Variants in NR5A2 observed in about 807,000 individuals in gnomAD.
NR5A2 encodes the protein nuclear receptor subfamily 5 group A member 2.
NR5A2 carries 26 observed loss-of-function variants against 62.7 expected under a neutral mutation model. The observed-to-expected ratio is 0.41, with a 90% CI of 0.30 to 0.58. The LOEUF is 0.58. NR5A2 is among the 20% of genes least tolerant of loss of function. NR5A2 has a pLI of 0.22. For synonymous variants in NR5A2, 246 were observed against 241.7 expected (o/e 1.02, Z -0.16); for missense variants, 541 against 669.1 (o/e 0.81, Z 2.11).
intron 7 of NR5A2, among the ~76,000 whole-genome samples, chr1:200,164,452 A>T (rs1005944590): frequency 5.9e-5 from 9 of 152,330 alleles, no homozygotes; most frequent in Non-Finnish European, 1.0e-4. Flanking sequence ...TATGTTTAAA[A>T]ACTGACATAT....
In NR5A2 at chr1:200,048,781, A is replaced by T. The variant is rs913607008; in HGVS notation, c.1073A>T (p.Glu358Val). ...GATCAAACTCTCTTCTCCATTGTCG[A>T]GTGGGCCAGGAGTAGTATCTTCTTC... ...MADQTLFSIV[E>V]WARSSIFFRE... Residue 358 changes from glutamate to valine, a missense_variant, in exon 5 of 8, where the codon GAG (glutamate) becomes GTG (valine). Glu to Val is a moderately radical substitution (Grantham distance 121). Coordinates refer to ENST00000367362, the MANE Select transcript of NR5A2 (RefSeq NM_205860.3). The surrounding 1 kb of genome is among the most constrained non-coding windows in gnomAD (Gnocchi z 4.8). 1 of 1,614,062 alleles carries T rather than the reference A, an allele frequency of 6.2e-7. No homozygotes were observed. Among genetic ancestry groups the T allele is most frequent in the Non-Finnish European group, 8.5e-7 (1 of 1,180,040 alleles).
chr1:200,061,669 G>T (rs1663227410), intron 5 of NR5A2, among the ~76,000 whole-genome samples: 1 of 152,162 alleles, frequency 6.6e-6, no homozygotes, highest in Non-Finnish European at 1.5e-5. Context: ...TGGCCAATAG[G>T]TCTAAAGTCT....
chr1:200,087,338 A>T (rs990444812), intron 5 of NR5A2, among the ~76,000 whole-genome samples: 1 of 151,950 alleles, frequency 6.6e-6, no homozygotes, highest in Non-Finnish European at 1.5e-5. Context: ...ATCTTTCCTC[A>T]TGGAGTTTGT....
intron 1 of NR5A2, among the ~76,000 whole-genome samples, chr1:200,037,238 G>C (rs550574727): frequency 6.6e-6 from 1 of 152,298 alleles, no homozygotes; most frequent in Non-Finnish European, 1.5e-5. Context: ...CCAAGGCAGG[G>C]TTTCTTGATA....
intron 7 of NR5A2, among the ~76,000 whole-genome samples, chr1:200,145,438 T>C (rs897015789): frequency 1.4e-4 from 21 of 151,016 alleles, no homozygotes; most frequent in Admixed American, 1.3e-3. Context: ...CCTAGGCAAA[T>C]GTCAGAAACT....
intron 5 of NR5A2, among the ~76,000 whole-genome samples, chr1:200,073,233 TAC>T (rs1663821084): frequency 1.2e-5 from 1 of 82,872 alleles, no homozygotes; most frequent in African/African-American, 7.1e-5. Flanking sequence ...AGCATTTACA[TAC>T]ATATATATAT....
chr1:200,064,893 G>T (rs1044447887), intron 5 of NR5A2, among the ~76,000 whole-genome samples: 4 of 151,944 alleles, frequency 2.6e-5, no homozygotes, highest in Non-Finnish European at 5.9e-5. Context: ...ATGTATTTGA[G>T]GTCCTGGTCC....
intron 7 of NR5A2, among the ~76,000 whole-genome samples, chr1:200,150,660 G>C (rs1186794426): frequency 6.6e-6 from 1 of 152,116 alleles, no homozygotes; most frequent in African/African-American, 2.4e-5. Context: ...TAGAGGGTTG[G>C]GAGAGAGAAG....
At chr1:200,033,579 C>T (rs1464226337) in intron 1 of NR5A2, among the ~76,000 whole-genome samples, 1 of 152,156 alleles carries the variant, frequency 6.6e-6, no homozygotes, top group African/African-American at 2.4e-5. Flanking sequence ...GCGGCCTCTA[C>T]AGGAATGGAA....
chr1:200,121,055 A>G lies in NR5A2; in HGVS notation c.1378+100A>G, dbSNP rs892280849. The G allele has an allele frequency of 1.2e-5, 15 of 1,210,094 alleles. No individual in the cohort carries two copies. In the East Asian group the frequency reaches 1.9e-4, roughly 15 times the overall value. 75.0% of individuals were successfully genotyped at this position (1,210,094 alleles called of 1,614,324 possible). A position where few individuals can be genotyped will look rare whatever the true frequency, so the allele number is the denominator to read the frequency against. On this transcript the variant is annotated intron_variant, in intron 7 of 7. Coordinates refer to ENST00000367362, the MANE Select transcript of NR5A2 (RefSeq NM_205860.3). ...CCATGTATGTTTTTGTTCTATCAAT[A>G]TAATGCCCTTCCTGTCAAATTATGA...
intron 3 of NR5A2, chr1:200,044,188 A>G (rs1356639010): frequency 4.8e-6 from 1 of 206,558 alleles, no homozygotes; most frequent in Non-Finnish European, 9.6e-6. Context: ...CTAAATATTG[A>G]TTTTGCTTGA....
chr1:200,048,927 C>T lies in NR5A2; in HGVS notation c.1110+109C>T. Reference sequence around the variant, plus strand: ...AAAATATGTGTTCCTTAATTTTCTACTTTGTATGATTTACAGAGTAGACGT... The same window carrying T: ...AAAATATGTGTTCCTTAATTTTCTATTTTGTATGATTTACAGAGTAGACGT... On this transcript the variant is annotated intron_variant, in intron 5 of 7. Coordinates refer to ENST00000367362, the MANE Select transcript of NR5A2 (RefSeq NM_205860.3). The surrounding 1 kb of genome is among the most constrained non-coding windows in gnomAD (Gnocchi z 4.8). 7.4e-7 allele frequency: 1 copy of T among 1,352,150 alleles called. No individual in the cohort carries two copies. Among genetic ancestry groups the T allele is most frequent in the Non-Finnish European group, 1.0e-6 (1 of 984,436 alleles). 83.8% of individuals were successfully genotyped at this position (1,352,150 alleles called of 1,614,324 possible).
At chr1:200,042,871 G>T in intron 2 of NR5A2, 1 of 985,546 alleles carries the variant, frequency 1.0e-6, no homozygotes, top group Non-Finnish European at 1.2e-6. Flanking sequence ...GTGGGTCTGC[G>T]TCCGGAGCAA....
rs10655211 is a variant in NR5A2, at chr1:200,103,122, C to CTTTTTTTTTTTT, written c.1111-8072_1111-8061dup. Among the ~76,000 whole-genome samples, 2 of 106,650 alleles carry CTTTTTTTTTTTT rather than the reference C, an allele frequency of 1.9e-5. 1 individual carries two copies. Among genetic ancestry groups the CTTTTTTTTTTTT allele is most frequent in the Non-Finnish European group, 3.6e-5 (2 of 54,864 alleles). The allele number at this position is 106,650 out of a possible 152,430, so 70.0% of individuals were successfully genotyped here. A position where few individuals can be genotyped will look rare whatever the true frequency, so the allele number is the denominator to read the frequency against. On this transcript the variant is annotated intron_variant, in intron 5 of 7. Coordinates refer to ENST00000367362, the MANE Select transcript of NR5A2 (RefSeq NM_205860.3). The stretch of plus-strand genomic sequence containing the variant: ...TAAATGAGTTCATGCATGTAAAACT[C>CTTTTTTTTTTTT]TTTTTTTTTTTTTTTTTTTGAGTTG...
At position 200,176,132 on chromosome 1, in the gene NR5A2, C is replaced by CT. The variant is rs1388826069; in HGVS notation, c.*1923dup. On this transcript the variant is annotated 3_prime_UTR_variant, in exon 8 of 8. Coordinates refer to ENST00000367362, the MANE Select transcript of NR5A2 (RefSeq NM_205860.3). ...AAATGTCTGTAAATCTTCATCATTC[C>CT]TACTGTAGTTTATTTAATATCTATT... 2.0e-5 allele frequency: 3 copies of CT among 152,550 alleles called. 1 individual carries two copies. Among genetic ancestry groups the CT allele is most frequent in the African/African-American group, 7.2e-5 (3 of 41,418 alleles). 9.4% of individuals were successfully genotyped at this position (152,550 alleles called of 1,614,324 possible). A position where few individuals can be genotyped will look rare whatever the true frequency, so the allele number is the denominator to read the frequency against.
intron 7 of NR5A2, among the ~76,000 whole-genome samples, chr1:200,138,818 A>G (rs888248369): frequency 6.6e-6 from 1 of 152,122 alleles, no homozygotes; most frequent in Non-Finnish European, 1.5e-5. Context: ...ATGCATTTTT[A>G]TAATAAATCT....
intron 6 of NR5A2, among the ~76,000 whole-genome samples, chr1:200,111,637 T>C (rs1242727200): frequency 6.6e-6 from 1 of 152,238 alleles, no homozygotes; most frequent in East Asian, 1.9e-4. Context: ...CTCGAGCTTC[T>C]GCTTTAACCC....
intron 5 of NR5A2, among the ~76,000 whole-genome samples, chr1:200,079,041 CAG>C (rs1212074962): frequency 3.9e-5 from 6 of 152,120 alleles, no homozygotes; most frequent in Non-Finnish European, 7.4e-5. Context: ...ATCAAGAAAA[CAG>C]AAATTCTAAT....
chr1:200,027,799 T>C lies in NR5A2; in HGVS notation c.-49T>C. 1 of 1,423,590 alleles carries C rather than the reference T, an allele frequency of 7.0e-7. No homozygotes were observed. The highest frequency in any genetic ancestry group is 9.7e-7 in the Non-Finnish European group (1 of 1,025,822). The allele number at this position is 1,423,590 out of a possible 1,614,324, so 88.2% of individuals were successfully genotyped here. A position where few individuals can be genotyped will look rare whatever the true frequency, so the allele number is the denominator to read the frequency against. ...TTGACAAGCTGCACTTTTCTTTTGCTCAATGATTTCTGCTTTAAGCCAAAG... is the reference window on the plus strand; with the variant it reads ...TTGACAAGCTGCACTTTTCTTTTGCCCAATGATTTCTGCTTTAAGCCAAAG... On this transcript the variant is annotated 5_prime_UTR_variant, in exon 1 of 8. Transcript: ENST00000367362.
Sources: gnomAD v4.1 joint callset for allele counts (sites outside exome capture counted in the v4.1 genomes callset) on GRCh38, gnomAD v4.1.1 for gene constraint, Gnocchi (gnomAD v3.1) non-coding constraint, MANE v1.5 for transcripts, NCBI Gene and HGNC (gene_info 2026-07-23, HGNC 2026-07-21) for gene names.